OPA1: variants seen among roughly 807,000 people sequenced by gnomAD.
The protein encoded by OPA1 is OPA1 mitochondrial dynamin like GTPase.
Under a neutral mutation model 152.9 loss-of-function variants are expected in OPA1, and 59 were observed. The observed-to-expected ratio is 0.39, with a 90% CI of 0.31 to 0.48. The LOEUF is 0.48. Among genes scored for constraint, OPA1 ranks in the 20% least tolerant of loss-of-function variants. The probability of loss-of-function intolerance (pLI) is 0.96; values close to 1 mark genes in which losing one functional copy is unlikely to be tolerated. For missense variants in OPA1, 1,008 were observed against 1,216.8 expected (o/e 0.83, Z 2.55); for synonymous variants, 400 against 389.9 (o/e 1.03, Z -0.31).
chr3:193,682,537 G>A (rs774323113), intron 29 of OPA1, among the ~76,000 whole-genome samples: 2 of 152,142 alleles, frequency 1.3e-5, no homozygotes, highest in Non-Finnish European at 2.9e-5. Flanking sequence ...TCGAGGCTTC[G>A]AAAGAGAGGC....
intron 29 of OPA1, among the ~76,000 whole-genome samples, chr3:193,684,516 T>C (rs1720664004): frequency 6.7e-6 from 1 of 150,102 alleles, no homozygotes; most frequent in Non-Finnish European, 1.5e-5. Flanking sequence ...AGTGGCATGA[T>C]CTTGGCTCAC....
chr3:193,672,762 G>T (rs550887097), intron 29 of OPA1, among the ~76,000 whole-genome samples: 2 of 151,640 alleles, frequency 1.3e-5, no homozygotes, highest in Non-Finnish European at 2.9e-5. Flanking sequence ...CCAGCTACTC[G>T]GGAGGCTGAG....
chr3:193,617,718 C>A, intron 4 of OPA1, 66 bp from the exon 5 acceptor site: 1 of 1,170,016 alleles, frequency 8.5e-7, no homozygotes, highest in Non-Finnish European at 1.3e-6. Flanking sequence ...AGATCTCAGA[C>A]ATCTTTGTTT....
At chr3:193,690,870 A>G (rs1273486270) in intron 29 of OPA1, among the ~76,000 whole-genome samples, 1 of 152,152 alleles carries the variant, frequency 6.6e-6, no homozygotes, top group East Asian at 1.9e-4. Flanking sequence ...TAATATGTTA[A>G]ATTACCTTAA....
chr3:193,631,666 G>A lies in OPA1; in HGVS notation c.843+1G>A. On this transcript the variant is annotated splice_donor_variant, in intron 8 of 30. Transcript: ENST00000361510. LOFTEE classifies it high-confidence loss of function. ...TCAGGAAGAACTTCTGCACACTCAG[G>A]TAATCATGATGACTAAGAAAAACTA... The A allele has an allele frequency of 6.2e-7, 1 of 1,609,828 alleles. No individual in the cohort carries two copies. Among genetic ancestry groups the A allele is most frequent in the Non-Finnish European group, 8.5e-7 (1 of 1,176,542 alleles).
At chr3:193,605,138 C>G (rs1206933734) in intron 1 of OPA1, among the ~76,000 whole-genome samples, 1 of 152,122 alleles carries the variant, frequency 6.6e-6, no homozygotes, top group Non-Finnish European at 1.5e-5. Flanking sequence ...GCTGATTTTT[C>G]CAAGTAAAGG....
chr3:193,650,397 T>C (rs1712111685), intron 21 of OPA1, among the ~76,000 whole-genome samples: 1 of 152,222 alleles, frequency 6.6e-6, no homozygotes, highest in Non-Finnish European at 1.5e-5. Context: ...GGTCCAAGCC[T>C]TAGCTGTTCA....
intron 29 of OPA1, among the ~76,000 whole-genome samples, chr3:193,689,978 A>G (rs1306181028): frequency 6.6e-6 from 1 of 151,872 alleles, no homozygotes; most frequent in Non-Finnish European, 1.5e-5. Flanking sequence ...AAATCCTCCA[A>G]CTGATGAACT....
intron 7 of OPA1, among the ~76,000 whole-genome samples, chr3:193,629,085 G>C (rs1017683905): frequency 4.0e-5 from 6 of 151,888 alleles, no homozygotes; most frequent in African/African-American, 1.5e-4. Context: ...GGCTAATTTT[G>C]TATTTTTAGT....
In OPA1 at chr3:193,600,633, G is replaced by C. The variant is rs74538887; in HGVS notation, c.32+7224G>C. Among the ~76,000 whole-genome samples, 430 of 152,294 alleles carry C rather than the reference G, an allele frequency of 2.8e-3. 3 individuals are homozygous for C. Among genetic ancestry groups the C allele is most frequent in the South Asian group, 0.017 (81 of 4,828 alleles). ...GTCTGATTGGTCAGAGTCTTCAGTT[G>C]GAGTATGATAGTGATTAAGGATCAT... On this transcript the variant is annotated intron_variant, in intron 1 of 30. Transcript: ENST00000361510.
At chr3:193,610,687 G>T (rs1456563937) in intron 1 of OPA1, among the ~76,000 whole-genome samples, 1 of 151,940 alleles carries the variant, frequency 6.6e-6, no homozygotes, top group Admixed American at 6.6e-5. Context: ...GCTCCACCCA[G>T]TTCGAGCTTC....
intron 29 of OPA1, among the ~76,000 whole-genome samples, chr3:193,671,124 C>T (rs180960545): frequency 6.6e-5 from 10 of 152,036 alleles, no homozygotes; most frequent in Admixed American, 2.0e-4. Context: ...TATGTCATCA[C>T]GCAAAATATG....
At chr3:193,659,076 T>C (rs1217520691) in intron 24 of OPA1, 81 bp downstream of exon 24, 25 of 951,926 alleles carry the variant, frequency 2.6e-5, no homozygotes, top group Admixed American at 1.6e-4. Context: ...TTTGTAGAAA[T>C]AGATTGAACA....
chr3:193,643,913 G>C, intron 15 of OPA1, 62 bp from the exon 16 acceptor site: 1 of 1,549,586 alleles, frequency 6.5e-7, no homozygotes, highest in Non-Finnish European at 8.9e-7. Context: ...AATTTGTACT[G>C]AGTTTTAAAA....
At chr3:193,647,252 G>A (rs757296854) in intron 19 of OPA1, 72 bp downstream of exon 19, 30 of 906,988 alleles carry the variant, frequency 3.3e-5, no homozygotes, top group Non-Finnish European at 4.6e-5. Flanking sequence ...GCATCCATAC[G>A]ATTCTGTACT....
At chr3:193,665,114 GTA>G in intron 27 of OPA1, 118 bp downstream of exon 27, 1 of 663,404 alleles carries the variant, frequency 1.5e-6, no homozygotes, top group Non-Finnish European at 2.7e-6. Context: ...GGGAAAAAAA[GTA>G]TGTGTAATTT....
chr3:193,657,178 TAAGG>T lies in OPA1; in HGVS notation c.2281_2284del (p.Glu761LysfsTer16). The stretch of plus-strand genomic sequence containing the variant: ...TATTTGATAAACTTAAAGAGGCTGT[TAAGG>T]AAGAAAGTATTAAACGACACAAGTG... On this transcript the variant is annotated frameshift_variant, in exon 23 of 31. Transcript: ENST00000361510. LOFTEE classifies it high-confidence loss of function. The T allele has an allele frequency of 6.2e-7, 1 of 1,614,028 alleles. No individual in the cohort carries two copies. Among genetic ancestry groups the T allele is most frequent in the Non-Finnish European group, 8.5e-7 (1 of 1,179,944 alleles).
chr3:193,617,402 A>C, intron 4 of OPA1, 117 bp downstream of exon 4: 1 of 683,342 alleles, frequency 1.5e-6, no homozygotes, highest in Non-Finnish European at 2.6e-6. Flanking sequence ...CCAATGAAAA[A>C]CAGGACATTT....
At chr3:193,680,773 A>G (rs1326442245) in intron 29 of OPA1, among the ~76,000 whole-genome samples, 3 of 152,210 alleles carry the variant, frequency 2.0e-5, no homozygotes, top group East Asian at 1.9e-4. Flanking sequence ...TGCCTAAATC[A>G]TATTTTTTAA....
Sources: gnomAD v4.1 joint callset for allele counts (sites outside exome capture counted in the v4.1 genomes callset) on GRCh38, gnomAD v4.1.1 for gene constraint, MANE v1.5 for transcripts, NCBI Gene and HGNC (gene_info 2026-07-23, HGNC 2026-07-21) for gene names.